LRRC9: variants seen among roughly 807,000 people sequenced by gnomAD.
LRRC9 encodes the protein leucine rich repeat containing 9, also known as leucine-rich repeat-containing protein 9.
In LRRC9, 122 loss-of-function variants were observed where a neutral mutation model predicts 63.2. The observed-to-expected ratio is 1.93, with a 90% CI of 1.67 to 2.24. LRRC9 has a LOEUF of 2.24. Among genes scored for constraint, LRRC9 ranks in the 30% most tolerant of loss-of-function variants. LRRC9 has a pLI of 0.00. For synonymous variants in LRRC9, 366 were observed against 213.1 expected, an observed-to-expected ratio of 1.72 and a Z score of -6.25; for missense variants, 1,071 against 627.7, an observed-to-expected ratio of 1.71 and a Z score of -7.55.
intron 8 of LRRC9, among the ~76,000 whole-genome samples, chr14:59,948,282 A>T (rs1882688636): frequency 7.5e-6 from 1 of 132,776 alleles, no homozygotes; most frequent in Admixed American, 7.7e-5. Context: ...TGTGAATGGG[A>T]GTTCACTCAT....
rs1890818745 is a variant in LRRC9 at position 60,017,900 on chromosome 14, T to G, written c.3318-471T>G. 6.6e-6 allele frequency among the ~76,000 whole-genome samples: 1 copy of G among 152,072 alleles called. No homozygotes were observed. The highest frequency in any genetic ancestry group is 1.5e-5 in the Non-Finnish European group (1 of 67,972). On this transcript the variant is annotated intron_variant, in intron 24 of 31. Transcript: ENST00000445360. The surrounding 1 kb of genome is among the most constrained non-coding windows in gnomAD (Gnocchi z 4.0). ...CCAGAAGATACCACAGAAACTCTAT[T>G]TTCAAAGACCTTACCTGCTTTTCCT...
In LRRC9 at chr14:59,926,610, C is replaced by G. The variant is rs538733524; in HGVS notation, c.-33-1301C>G. 1.3e-4 allele frequency among the ~76,000 whole-genome samples: 20 copies of G among 152,112 alleles called. No homozygotes were observed. In the South Asian group the frequency reaches 4.2e-3, roughly 32 times the overall value. On this transcript the variant is annotated intron_variant, in intron 1 of 31. Transcript: ENST00000445360. ...ACTCTATAAGCCCCTCTTTTTGCCT[C>G]CTCTTAGTTGCTCTTCCCTGAAAGG...
intron 29 of LRRC9, among the ~76,000 whole-genome samples, chr14:60,050,560 A>G (rs968834040): frequency 1.3e-5 from 2 of 152,082 alleles, no homozygotes; most frequent in Non-Finnish European, 2.9e-5. Flanking sequence ...TCTGAAGCCT[A>G]CTTCTATCAA....
chr14:59,920,820 A>T (rs1228507223), intron 1 of LRRC9, among the ~76,000 whole-genome samples: 1 of 152,216 alleles, frequency 6.6e-6, no homozygotes, highest in Non-Finnish European at 1.5e-5. Context: ...TATGTCTTTA[A>T]ATTATACCAT....
At chr14:60,046,512 C>G (rs1262378827) in intron 29 of LRRC9, among the ~76,000 whole-genome samples, 1 of 152,130 alleles carries the variant, frequency 6.6e-6, no homozygotes, top group South Asian at 2.1e-4. Flanking sequence ...TCTCCAAGCA[C>G]CATTTATTAA....
At chr14:60,054,978 G>C (rs973443373) in intron 30 of LRRC9, among the ~76,000 whole-genome samples, 1 of 152,122 alleles carries the variant, frequency 6.6e-6, no homozygotes, top group African/African-American at 2.4e-5. Flanking sequence ...CAAGCTAGTC[G>C]TGAACTCCTA....
chr14:59,975,034 C>CATATATATATATATATATATAT (rs369719892), intron 13 of LRRC9, among the ~76,000 whole-genome samples: 1 of 81,026 alleles, frequency 1.2e-5, no homozygotes, highest in Non-Finnish European at 2.4e-5. Flanking sequence ...TGTGTCACAG[C>CATATATATATATATATATATAT]ATATATATAT....
At chr14:59,976,132 A>G (rs1886258165) in intron 13 of LRRC9, among the ~76,000 whole-genome samples, 1 of 151,948 alleles carries the variant, frequency 6.6e-6, no homozygotes, top group Admixed American at 6.6e-5. Context: ...GTCTCCCAAC[A>G]CCCCCAGATG....
chr14:60,038,715 G>A (rs1270472393), intron 29 of LRRC9, among the ~76,000 whole-genome samples: 1 of 152,106 alleles, frequency 6.6e-6, no homozygotes, highest in African/African-American at 2.4e-5. Flanking sequence ...TCTGCAAACC[G>A]GGACAATTTG....
At chr14:59,974,688 A>C in exon 13 of LRRC9, 1 of 682,298 alleles carries the variant, frequency 1.5e-6, no homozygotes, top group Non-Finnish European at 2.7e-6. Flanking sequence ...ATCTCTCTTA[A>C]GCATGAGCTC....
chr14:59,937,389 G>T (rs1361908122), intron 6 of LRRC9, among the ~76,000 whole-genome samples: 5 of 152,000 alleles, frequency 3.3e-5, no homozygotes, highest in Non-Finnish European at 4.4e-5. Flanking sequence ...TGGCAATAGG[G>T]TATAATAAAA....
At chr14:60,005,342 G>A (rs1266690261) in intron 21 of LRRC9, among the ~76,000 whole-genome samples, 1 of 151,836 alleles carries the variant, frequency 6.6e-6, no homozygotes, top group Non-Finnish European at 1.5e-5. Context: ...CCATACAACT[G>A]GATATTAGTT....
Position 60,004,498 on chromosome 14 carries a change from G to GA in LRRC9, c.2842+701dup. 6.6e-6 allele frequency among the ~76,000 whole-genome samples: 1 copy of GA among 151,996 alleles called. No individual in the cohort carries two copies. Among genetic ancestry groups the GA allele is most frequent in the Admixed American group, 6.5e-5 (1 of 15,272 alleles). On this transcript the variant is annotated intron_variant, in intron 21 of 31. Coordinates refer to ENST00000445360, the Ensembl canonical transcript of LRRC9. This position sits in a 1 kb window ranked among gnomAD's most constrained non-coding sequence, Gnocchi z 4.8. Reference sequence around the variant, plus strand: ...GATACCAATATAATATATTTTATTTGACTGTTTAAAGTTCAGTATTAAAAC... The same window carrying GA: ...GATACCAATATAATATATTTTATTTGAACTGTTTAAAGTTCAGTATTAAAAC...
At position 60,060,897 on chromosome 14, in the gene LRRC9, T is replaced by C. The variant is rs562570985; in HGVS notation, c.4277-2426T>C. 1.4e-4 allele frequency among the ~76,000 whole-genome samples: 22 copies of C among 152,146 alleles called. No individual in the cohort carries two copies. Among genetic ancestry groups the C allele is most frequent in the Non-Finnish European group, 2.9e-4 (20 of 68,012 alleles). ...ATAGCAACCCTAATGGGAGTTTGGA[T>C]GACTTTGAGGGGTTCAGGACTTCAG... On this transcript the variant is annotated intron_variant, in intron 31 of 31. Transcript: ENST00000445360. This position sits in a 1 kb window ranked among gnomAD's most constrained non-coding sequence, Gnocchi z 4.0.
intron 29 of LRRC9, among the ~76,000 whole-genome samples, chr14:60,049,996 A>G (rs1198039821): frequency 6.7e-6 from 1 of 150,122 alleles, no homozygotes; most frequent in Admixed American, 6.6e-5. Context: ...CTGTCATTTT[A>G]TTTTATTTTA....
chr14:59,926,985 T>C (rs536248237), intron 1 of LRRC9, among the ~76,000 whole-genome samples: 24 of 152,276 alleles, frequency 1.6e-4, no homozygotes, highest in African/African-American at 5.8e-4. Context: ...AAAGTATCAT[T>C]TTTTCTTTTC....
chr14:59,948,008 T>C lies in LRRC9; in HGVS notation c.882+3264T>C, dbSNP rs1052218620. Among the ~76,000 whole-genome samples, 23 of 150,602 alleles carry C rather than the reference T, an allele frequency of 1.5e-4. 1 individual carries two copies. The highest frequency in any genetic ancestry group is 5.4e-4 in the African/African-American group (22 of 40,752). ...CGATGCAGGCTCTTTTTTGGTTCCATATGAACTTTAAAGTAGTTTTTTCCA... is the reference window on the plus strand; with the variant it reads ...CGATGCAGGCTCTTTTTTGGTTCCACATGAACTTTAAAGTAGTTTTTTCCA... On this transcript the variant is annotated intron_variant, in intron 8 of 31. Transcript: ENST00000445360.
rs1353129769 is a variant in LRRC9 at position 59,931,613 on chromosome 14, T to G, written c.409-6T>G. 1 of 692,002 alleles carries G rather than the reference T, an allele frequency of 1.4e-6. No homozygotes were observed. Among genetic ancestry groups the G allele is most frequent in the Non-Finnish European group, 2.6e-6 (1 of 381,254 alleles). 42.9% of individuals were successfully genotyped at this position (692,002 alleles called of 1,614,324 possible). ...GTTCTAAATAATATGTTGTCTAAAT[T>G]TTTAGGGTTTGCAAACTTTGAAGAA... On this transcript the variant is annotated splice_region_variant and splice_polypyrimidine_tract_variant and intron_variant, in intron 4 of 31. Transcript: ENST00000445360.
downstream of LRRC9, among the ~76,000 whole-genome samples, chr14:60,063,877 A>G (rs1364559471): frequency 6.6e-6 from 1 of 152,200 alleles, no homozygotes; most frequent in African/African-American, 2.4e-5. Context: ...TTGCTAGTTG[A>G]ACTACAGATT....
Sources: allele counts gnomAD v4.1 joint callset (sites outside exome capture counted in the v4.1 genomes callset), GRCh38; gene constraint gnomAD v4.1.1; non-coding constraint Gnocchi (gnomAD v3.1); transcripts MANE v1.5; gene names NCBI Gene and HGNC (gene_info 2026-07-23, HGNC 2026-07-21).